Variants in PLD5 observed in about 807,000 individuals in gnomAD.
The protein encoded by PLD5 is phospholipase D family member 5.
In PLD5, 36 loss-of-function variants were observed where a neutral mutation model predicts 61.1. The observed-to-expected ratio is 0.59, with a 90% confidence interval of 0.45 to 0.78. The LOEUF is 0.78. Among genes scored for constraint, PLD5 ranks in the 30% least tolerant of loss-of-function variants. The probability of loss-of-function intolerance (pLI) is 0.00; values close to 1 mark genes in which losing one functional copy is unlikely to be tolerated. For missense variants in PLD5, 515 were observed against 644.4 expected (o/e 0.80, Z 2.17); for synonymous variants, 243 against 242.8 (o/e 1.00, Z -0.01).
intron 5 of PLD5, among the ~76,000 whole-genome samples, chr1:242,169,285 G>A (rs1473569160): frequency 6.6e-6 from 1 of 152,152 alleles, no homozygotes; most frequent in African/African-American, 2.4e-5. Context: ...GCAGCCCATG[G>A]AGGGTGAGCC....
At chr1:242,172,198 A>C (rs1666803185) in intron 5 of PLD5, among the ~76,000 whole-genome samples, 1 of 152,262 alleles carries the variant, frequency 6.6e-6, no homozygotes, top group Middle Eastern at 3.2e-3. Flanking sequence ...CAGTGCAATC[A>C]AATTAGAACT....
chr1:242,194,884 G>A (rs866425966), intron 5 of PLD5, among the ~76,000 whole-genome samples: 2 of 152,084 alleles, frequency 1.3e-5, no homozygotes, highest in South Asian at 2.1e-4. Context: ...AGGAAAGGGA[G>A]GGAAGCGGGT....
intron 4 of PLD5, among the ~76,000 whole-genome samples, chr1:242,238,894 T>C (rs1671814195): frequency 6.6e-6 from 1 of 152,110 alleles, no homozygotes; most frequent in Non-Finnish European, 1.5e-5. Flanking sequence ...ATTGTGAAGG[T>C]TCTGCCCTGG....
At chr1:242,251,327 G>C (rs1672688422) in intron 4 of PLD5, among the ~76,000 whole-genome samples, 1 of 152,318 alleles carries the variant, frequency 6.6e-6, no homozygotes, top group East Asian at 1.9e-4. Flanking sequence ...GGGAATGATA[G>C]TGTATTCAAA....
chr1:242,129,279 A>G (rs146682174), intron 5 of PLD5, among the ~76,000 whole-genome samples: 212 of 152,312 alleles, frequency 1.4e-3, no homozygotes, highest in African/African-American at 5.0e-3. Flanking sequence ...GCTACATTAC[A>G]GCTTTAGGAC....
At chr1:242,220,384 A>C (rs965675803) in intron 4 of PLD5, among the ~76,000 whole-genome samples, 10 of 152,240 alleles carry the variant, frequency 6.6e-5, no homozygotes, top group African/African-American at 2.2e-4. Flanking sequence ...GAGGTTTTGC[A>C]TATAGTGACA....
At chr1:242,098,543 CCTT>C (rs1485982535) in intron 9 of PLD5, among the ~76,000 whole-genome samples, 4 of 152,166 alleles carry the variant, frequency 2.6e-5, no homozygotes, top group African/African-American at 7.2e-5. Flanking sequence ...TCGTCTGAAG[CCTT>C]CTTCTCTCAA....
rs1401472168 is a variant in PLD5, at chr1:242,392,933, G to A, written c.190-44691C>T. Among the ~76,000 whole-genome samples the A allele has an allele frequency of 3.9e-5, 6 of 152,228 alleles. No individual in the cohort carries two copies. The East Asian group carries it at 9.7e-4, about 25-fold the overall frequency. ...AAAAGTATTTTTAGGCAGGGCCGCA[G>A]TGGCTCACGCCTGTATTCTCAGCAC... On this transcript the variant is annotated intron_variant, in intron 1 of 9. Coordinates refer to ENST00000536534, the MANE Select transcript of PLD5 (RefSeq NM_001372062.1).
intron 1 of PLD5, among the ~76,000 whole-genome samples, chr1:242,435,937 TAGAG>T (rs1185431974): frequency 6.6e-6 from 1 of 152,132 alleles, no homozygotes; most frequent in Non-Finnish European, 1.5e-5. Context: ...TAAAAAGTAG[TAGAG>T]AAAGAAAAAA....
chr1:242,434,156 C>T (rs762344654), intron 1 of PLD5, among the ~76,000 whole-genome samples: 34 of 152,240 alleles, frequency 2.2e-4, no homozygotes, highest in Admixed American at 6.5e-5. Flanking sequence ...CATCAGGACA[C>T]AGTTACCATA....
chr1:242,251,333 T>A (rs1009511363), intron 4 of PLD5, among the ~76,000 whole-genome samples: 1 of 152,064 alleles, frequency 6.6e-6, no homozygotes, highest in Non-Finnish European at 1.5e-5. Context: ...GATAGTGTAT[T>A]CAAAATTGGC....
intron 4 of PLD5, among the ~76,000 whole-genome samples, chr1:242,224,770 AG>A (rs1316305981): frequency 1.3e-5 from 2 of 152,234 alleles, no homozygotes; most frequent in Non-Finnish European, 2.9e-5. Flanking sequence ...GGTTAGTGAC[AG>A]TTTTTAAATC....
Position 242,478,303 on chromosome 1 carries a change from T to C in PLD5, c.189+45785A>G, listed in dbSNP as rs1295590015. 2.0e-5 allele frequency among the ~76,000 whole-genome samples: 3 copies of C among 152,158 alleles called. No homozygotes were observed. The East Asian group carries it at 5.8e-4, about 29-fold the overall frequency. ...TAGGAAGGCCTTTGGAAGCTCACTG[T>C]GTTCTGCTCTTACTTGGAGAGCAGC... On this transcript the variant is annotated intron_variant, in intron 1 of 9. Coordinates refer to ENST00000536534, the MANE Select transcript of PLD5 (RefSeq NM_001372062.1).
At chr1:242,378,653 C>T (rs574090941) in intron 1 of PLD5, among the ~76,000 whole-genome samples, 1 of 152,020 alleles carries the variant, frequency 6.6e-6, no homozygotes, top group Non-Finnish European at 1.5e-5. Context: ...TCAGCCTGGC[C>T]AGCACGACAA....
intron 5 of PLD5, among the ~76,000 whole-genome samples, chr1:242,194,850 G>T (rs545177102): frequency 9.2e-5 from 14 of 152,150 alleles, no homozygotes; most frequent in African/African-American, 3.1e-4. Context: ...GCATAACAAT[G>T]ACAATAGAAT....
intron 1 of PLD5, among the ~76,000 whole-genome samples, chr1:242,463,606 T>C (rs1667185950): frequency 6.6e-6 from 1 of 152,010 alleles, no homozygotes; most frequent in Non-Finnish European, 1.5e-5. Context: ...TGCCTTCTCT[T>C]CACACTTTCC....
chr1:242,348,852 AG>A (rs1660297930), intron 1 of PLD5, among the ~76,000 whole-genome samples: 2 of 152,186 alleles, frequency 1.3e-5, no homozygotes, highest in Non-Finnish European at 2.9e-5. Context: ...CAGGAGATCA[AG>A]ACCGTCCTGG....
chr1:242,354,406 G>T (rs1478519050), intron 1 of PLD5, among the ~76,000 whole-genome samples: 2 of 152,084 alleles, frequency 1.3e-5, no homozygotes, highest in African/African-American at 4.8e-5. Flanking sequence ...TGCCAACCCT[G>T]GGCACGTGGC....
chr1:242,449,587 C>A, intron 1 of PLD5: 1 of 1,339,374 alleles, frequency 7.5e-7, no homozygotes, highest in Non-Finnish European at 9.8e-7. Context: ...TCAGAATTTC[C>A]CCTAGAATGT....
Sources: allele counts gnomAD v4.1 joint callset (sites outside exome capture counted in the v4.1 genomes callset), GRCh38; gene constraint gnomAD v4.1.1; transcripts MANE v1.5; gene names NCBI Gene and HGNC (gene_info 2026-07-23, HGNC 2026-07-21).